HLA-DQB1: variants seen among roughly 807,000 people sequenced by gnomAD.
HLA-DQB1 encodes the protein major histocompatibility complex, class II, DQ beta 1, also known as HLA class II histocompatibility antigen, DQ beta 1 chain.
A neutral mutation model predicts 26.4 loss-of-function variants in HLA-DQB1; 13 were observed. The ratio of observed to expected loss-of-function variants is 0.49; its 90% CI spans 0.32 to 0.78. The LOEUF (loss-of-function observed/expected upper bound fraction) is 0.78, where lower values mean the gene tolerates loss of function less well. Among genes scored for constraint, HLA-DQB1 ranks in the 30% least tolerant of loss-of-function variants. HLA-DQB1 has a pLI of 0.03. For missense variants in HLA-DQB1, 158 were observed against 326.2 expected, an observed-to-expected ratio of 0.48 and a Z score of 3.97; for synonymous variants, 60 against 129.1, an observed-to-expected ratio of 0.46 and a Z score of 3.63.
rs281862001 is a variant in HLA-DQB1 at position 32,665,125 on chromosome 6, C to A, written c.110-58G>T. 3.3e-3 allele frequency: 3,314 copies of A among 1,006,472 alleles called. 205 individuals carry two copies. The highest frequency in any genetic ancestry group is 0.031 in the East Asian group (959 of 30,600). 62.3% of individuals were successfully genotyped at this position (1,006,472 alleles called of 1,614,324 possible). ...CCAGCCCGGCCGCCCCCGCAGCCGCCGCCCTGACCCGGCCTGGAGCTGTGG... is the reference window on the plus strand; with the variant it reads ...CCAGCCCGGCCGCCCCCGCAGCCGCAGCCCTGACCCGGCCTGGAGCTGTGG... On this transcript the variant is annotated intron_variant, in intron 1 of 4. Transcript: ENST00000434651.
In HLA-DQB1 at chr6:32,664,782, G is replaced by A. The variant is rs281862137; in HGVS notation, c.379+16C>T. 1.7e-5 allele frequency: 16 copies of A among 967,680 alleles called. 5 individuals are homozygous for A. The highest frequency in any genetic ancestry group is 2.3e-5 in the Non-Finnish European group (16 of 689,074). The allele number at this position is 967,680 out of a possible 1,614,324, so 59.9% of individuals were successfully genotyped here. On this transcript the variant is annotated intron_variant, in intron 2 of 4. Coordinates refer to ENST00000434651, the Ensembl canonical transcript of HLA-DQB1. ...TCGGCCAAGGGTGGGCCTCACGGAG[G>A]GGCGACGACGCTCACCTCTCCTCTG...
Position 32,665,085 on chromosome 6 carries a change from C to T in HLA-DQB1, c.110-18G>A, listed in dbSNP as rs281862035. ...GAAATCCTCTGCGGGGAATCACCGG[C>T]CGGTCAGTCAGGCCCCAGCCCGGCC... On this transcript the variant is annotated intron_variant, in intron 1 of 4. Coordinates refer to ENST00000434651, the Ensembl canonical transcript of HLA-DQB1. The T allele has an allele frequency of 1.7e-6, 2 of 1,205,906 alleles. No homozygotes were observed. Among genetic ancestry groups the T allele is most frequent in the Non-Finnish European group, 2.3e-6 (2 of 878,716 alleles). 74.7% of individuals were successfully genotyped at this position (1,205,906 alleles called of 1,614,324 possible).
chr6:32,660,173 GGCAGGCATAA>G lies in HLA-DQB1; in HGVS notation c.*53_*62del. ...CTGACACAGGCAGCTGGGAATTCTG[GGCAGGCATAA>G]GCAGGCATCACAGAAGAGTGATAAC... On this transcript the variant is annotated 3_prime_UTR_variant, in exon 5 of 5. Transcript: ENST00000434651. 4 of 745,052 alleles carry G rather than the reference GGCAGGCATAA, an allele frequency of 5.4e-6. 2 individuals carry two copies. The highest frequency in any genetic ancestry group is 8.3e-6 in the Non-Finnish European group (4 of 483,812). The allele number at this position is 745,052 out of a possible 1,614,324, so 46.2% of individuals were successfully genotyped here.
Position 32,660,303 on chromosome 6 carries a change from A to G in HLA-DQB1, c.773-54T>C. ...CACAGGGTATCCTGGTGGGCCTGCC[A>G]TCTCCCCCACCCTTCAGGGGCCCCC... On this transcript the variant is annotated intron_variant, in intron 4 of 4. Coordinates refer to ENST00000434651, the Ensembl canonical transcript of HLA-DQB1. The G allele has an allele frequency of 3.2e-6, 3 of 934,384 alleles. 1 individual carries two copies. The highest frequency in any genetic ancestry group is 4.6e-6 in the Non-Finnish European group (3 of 646,788). 57.9% of individuals were successfully genotyped at this position (934,384 alleles called of 1,614,324 possible).
In HLA-DQB1 at chr6:32,666,493, A is replaced by T; in HGVS notation, c.109+6T>A. 9.9e-7 allele frequency: 1 copy of T among 1,009,230 alleles called. No homozygotes were observed. Among genetic ancestry groups the T allele is most frequent in the Non-Finnish European group, 1.5e-6 (1 of 674,292 alleles). The allele number at this position is 1,009,230 out of a possible 1,614,324, so 62.5% of individuals were successfully genotyped here. On this transcript the variant is annotated splice_donor_region_variant and intron_variant, in intron 1 of 4. Transcript: ENST00000434651. ...CGGCTCTGGAGAGCAGCTGCCCTGC[A>T]CTTACCGGGAGAGTCTCTGCCCTCA...
chr6:32,660,749 T>A, intron 4 of HLA-DQB1: 1 of 598,664 alleles, frequency 1.7e-6, no homozygotes, highest in East Asian at 4.3e-5. Context: ...TTGATCCTCA[T>A]AGCAGCAAAT....
In HLA-DQB1 at chr6:32,666,162, T is replaced by C. The variant is rs142491022; in HGVS notation, c.109+337A>G. On this transcript the variant is annotated intron_variant, in intron 1 of 4. Transcript: ENST00000434651. ...CAGGCAGTCTTGGGGCACGCCTAAA[T>C]GACAAATCCTGCTGTGTCTTTGGAG... Among the ~76,000 whole-genome samples, 2,007 of 149,384 alleles carry C rather than the reference T, an allele frequency of 0.013. 109 individuals are homozygous for C. In the South Asian group the frequency reaches 0.14, roughly 11 times the overall value.
chr6:32,663,790 C>A (rs281863222), intron 2 of HLA-DQB1: 2 of 146,416 alleles, frequency 1.4e-5, no homozygotes, highest in Non-Finnish European at 3.0e-5. Flanking sequence ...AGGGGATAAC[C>A]TAGGCCAAAA....
intron 4 of HLA-DQB1, 21 bp from the exon 5 acceptor site, chr6:32,660,270 T>C (rs281864454): frequency 1.0e-6 from 1 of 979,692 alleles, no homozygotes; most frequent in Non-Finnish European, 1.4e-6. Flanking sequence ...GAGAAGAGCA[T>C]TGATCAGCAC....
Position 32,665,112 on chromosome 6 carries a change from CCCCCG to C in HLA-DQB1, c.110-50_110-46del. On this transcript the variant is annotated intron_variant, in intron 1 of 4. Transcript: ENST00000434651. ...GGTCAGTCAGGCCCCAGCCCGGCCG[CCCCCG>C]CAGCCGCCGCCCTGACCCGGCCTGG... 3.5e-5 allele frequency: 36 copies of C among 1,021,958 alleles called. 1 individual carries two copies. In the South Asian group the frequency reaches 5.6e-4, roughly 16 times the overall value. The allele number at this position is 1,021,958 out of a possible 1,614,324, so 63.3% of individuals were successfully genotyped here.
At chr6:32,663,034 T>A (rs41270929) in intron 2 of HLA-DQB1, 21,481 of 134,656 alleles carry the variant, frequency 0.16, 3,244 homozygotes, top group Middle Eastern at 0.32. Context: ...TTTGCTGAGG[T>A]CAGCAGGTGG....
intron 2 of HLA-DQB1, chr6:32,663,280 T>C (rs17613613): frequency 0.2 from 29,379 of 150,206 alleles, 3,142 homozygotes; most frequent in South Asian, 0.22. Context: ...ATAGCAAAAA[T>C]ATAAGTACTT....
chr6:32,665,799 G>A (rs281861414), intron 1 of HLA-DQB1, among the ~76,000 whole-genome samples: 1 of 106,758 alleles, frequency 9.4e-6, no homozygotes, highest in Non-Finnish European at 2.0e-5. Flanking sequence ...GATGTTAGAA[G>A]GAGTGAGAGA....
chr6:32,664,696 C>A (rs281862183), intron 2 of HLA-DQB1, 102 bp downstream of exon 2: 1 of 326,940 alleles, frequency 3.1e-6, no homozygotes, highest in East Asian at 1.4e-4. Context: ...GTGGAATGAA[C>A]TGGGCTCAGA....
Position 32,664,777 on chromosome 6 carries a change from C to T in HLA-DQB1, c.379+21G>A, listed in dbSNP as rs756761573. 22 of 941,862 alleles carry T rather than the reference C, an allele frequency of 2.3e-5. 5 individuals carry two copies. Among genetic ancestry groups the T allele is most frequent in the Non-Finnish European group, 2.8e-5 (19 of 671,636 alleles). 58.3% of individuals were successfully genotyped at this position (941,862 alleles called of 1,614,324 possible). ...GGGTCTCGGCCAAGGGTGGGCCTCA[C>T]GGAGGGGCGACGACGCTCACCTCTC... is the stretch of plus-strand genomic sequence containing the variant. On this transcript the variant is annotated intron_variant, in intron 2 of 4. Coordinates refer to ENST00000434651, the Ensembl canonical transcript of HLA-DQB1.
chr6:32,660,288 C>G (rs281864453), intron 4 of HLA-DQB1, 39 bp from the exon 5 acceptor site: 147,157 of 905,522 alleles, frequency 0.16, 46,547 homozygotes, highest in East Asian at 0.5. Flanking sequence ...CACAGGGTAT[C>G]CTGGTGGGCC....
At chr6:32,664,729 G>C (rs281862165) in intron 2 of HLA-DQB1, 69 bp downstream of exon 2, 1 of 517,678 alleles carries the variant, frequency 1.9e-6, no homozygotes, top group Non-Finnish European at 2.7e-6. Context: ...CGCCCCCATC[G>C]CCCCTCCCGG....
intron 3 of HLA-DQB1, 152 bp from the exon 4 acceptor site, chr6:32,661,609 C>A: frequency 2.1e-6 from 1 of 477,278 alleles, no homozygotes. Flanking sequence ...AAAGACCAGC[C>A]AATAGGTCCT....
chr6:32,666,655 G>C lies in HLA-DQB1; in HGVS notation c.-48C>G, dbSNP rs1180062469. The C allele has an allele frequency of 2.8e-6, 2 of 711,528 alleles. No individual in the cohort carries two copies. Among genetic ancestry groups the C allele is most frequent in the Non-Finnish European group, 4.8e-6 (2 of 415,950 alleles). The allele number at this position is 711,528 out of a possible 1,614,324, so 44.1% of individuals were successfully genotyped here. A position where few individuals can be genotyped will look rare whatever the true frequency, so the allele number is the denominator to read the frequency against. ...GTGGTAGTCAACACAGCTCGGACCT[G>C]ATGGATCTGATGTACCTGGCAGAAA... On this transcript the variant is annotated 5_prime_UTR_variant, in exon 1 of 5. In the 5' UTR this introduces an upstream ATG that the reference lacks. Transcript: ENST00000434651.
Sources: gnomAD v4.1 joint callset for allele counts (sites outside exome capture counted in the v4.1 genomes callset) on GRCh38, gnomAD v4.1.1 for gene constraint, MANE v1.5 for transcripts, NCBI Gene and HGNC (gene_info 2026-07-23, HGNC 2026-07-21) for gene names.